Variants in ZNF536 observed in about 807,000 individuals in gnomAD.
ZNF536 encodes zinc finger protein 536.
A neutral mutation model predicts 84.5 loss-of-function variants in ZNF536; 13 were observed. That is an observed-to-expected ratio of 0.15 (90% CI 0.10 to 0.24). The LOEUF (loss-of-function observed/expected upper bound fraction) is 0.24, where lower values mean the gene tolerates loss of function less well. Ranked by LOEUF, ZNF536 falls within the 10% of genes least tolerant of loss-of-function variation. The pLI is 1.00. For missense variants in ZNF536, 1,536 were observed against 1,747.5 expected (o/e 0.88, Z 2.16); for synonymous variants, 811 against 742.5 (o/e 1.09, Z -1.50).
Position 30,501,005 on chromosome 19 carries a change from G to A in ZNF536, c.2171-33842G>A, listed in dbSNP as rs575065980. Among the ~76,000 whole-genome samples the A allele has an allele frequency of 2.6e-5, 4 of 152,314 alleles. No homozygotes were observed. The South Asian group carries it at 8.3e-4, about 32-fold the overall frequency. ...TGGGCATTGTTCAGGATTGGAGCGA[G>A]AAGGTTTGACCTGTCATGTAGAGTT... On this transcript the variant is annotated intron_variant, in intron 2 of 4. Transcript: ENST00000355537.
chr19:30,283,229 A>G (rs1286443268), intron 1 of ZNF536, among the ~76,000 whole-genome samples: 7 of 152,244 alleles, frequency 4.6e-5, no homozygotes, highest in Admixed American at 2.0e-4. Flanking sequence ...TTGCCCCATA[A>G]CATCCCTTCC....
At chr19:30,647,223 G>C (rs546175554) in intron 1 of ZNF536, among the ~76,000 whole-genome samples, 1 of 152,258 alleles carries the variant, frequency 6.6e-6, no homozygotes, top group African/African-American at 2.4e-5. Flanking sequence ...TTTTGTCCCT[G>C]ATTAGTGTTT....
chr19:30,596,891 G>C (rs1380249122), intron 1 of ZNF536, among the ~76,000 whole-genome samples: 2 of 151,844 alleles, frequency 1.3e-5, no homozygotes, highest in African/African-American at 2.4e-5. Context: ...GCGAAAGGAG[G>C]CTCTCTTATT....
chr19:30,282,522 C>G (rs932296575), intron 1 of ZNF536, among the ~76,000 whole-genome samples: 5 of 152,204 alleles, frequency 3.3e-5, no homozygotes, highest in African/African-American at 1.2e-4. Flanking sequence ...TACAGGGCCT[C>G]TAAGTGAATG....
At chr19:30,277,884 C>T (rs978586703) in intron 1 of ZNF536, among the ~76,000 whole-genome samples, 3 of 152,334 alleles carry the variant, frequency 2.0e-5, no homozygotes, top group East Asian at 1.9e-4. Flanking sequence ...ACCATTTCTC[C>T]GTTGGTATGT....
At chr19:30,503,448 A>C (rs944206360) in intron 2 of ZNF536, among the ~76,000 whole-genome samples, 1 of 152,254 alleles carries the variant, frequency 6.6e-6, no homozygotes, top group Non-Finnish European at 1.5e-5. Flanking sequence ...ACCTGTATTT[A>C]CTGACTTGGA....
chr19:30,508,878 A>G (rs1282729103), intron 2 of ZNF536, among the ~76,000 whole-genome samples: 21 of 120,778 alleles, frequency 1.7e-4, no homozygotes, highest in African/African-American at 6.6e-4. Flanking sequence ...CCCAGGCTGG[A>G]GTACAGTGGC....
intron 1 of ZNF536, among the ~76,000 whole-genome samples, chr19:30,374,929 C>G (rs550308091): frequency 6.6e-6 from 1 of 151,832 alleles, no homozygotes; most frequent in African/African-American, 2.4e-5. Context: ...GCAGGCAGCC[C>G]TGGCAGAGGG....
intron 1 of ZNF536, among the ~76,000 whole-genome samples, chr19:30,641,836 T>C (rs1341063269): frequency 6.6e-6 from 1 of 152,224 alleles, no homozygotes; most frequent in Non-Finnish European, 1.5e-5. Context: ...TGTCCCAAGA[T>C]GAGGAGACCT....
intron 1 of ZNF536, among the ~76,000 whole-genome samples, chr19:30,419,838 C>T (rs1194935533): frequency 3.3e-5 from 5 of 152,200 alleles, no homozygotes; most frequent in African/African-American, 9.7e-5. Flanking sequence ...ACGTCCTCTG[C>T]TCCACGGCAT....
chr19:30,365,163 T>G (rs2048386422), intron 3 of ZNF536, among the ~76,000 whole-genome samples: 1 of 152,092 alleles, frequency 6.6e-6, no homozygotes. Flanking sequence ...ATAAATAGAG[T>G]TCATGCATTT....
At chr19:30,421,968 G>A (rs1028987689) in intron 1 of ZNF536, among the ~76,000 whole-genome samples, 1 of 152,132 alleles carries the variant, frequency 6.6e-6, no homozygotes, top group Non-Finnish European at 1.5e-5. Flanking sequence ...TAATGATATA[G>A]TTTCCTTTTA....
At chr19:30,330,875 C>G (rs2047189141) in intron 2 of ZNF536, among the ~76,000 whole-genome samples, 2 of 152,124 alleles carry the variant, frequency 1.3e-5, no homozygotes, top group African/African-American at 2.4e-5. Flanking sequence ...CTCTGATTCT[C>G]AAAACATAAC....
intron 2 of ZNF536, chr19:30,296,119 C>T (rs1199640127): frequency 6.6e-6 from 1 of 152,164 alleles, no homozygotes; most frequent in Non-Finnish European, 1.5e-5. Context: ...TCTGTAGTGA[C>T]CTCATATAAT....
chr19:30,361,290 C>A (rs1001372342), intron 3 of ZNF536, among the ~76,000 whole-genome samples: 1 of 152,250 alleles, frequency 6.6e-6, no homozygotes, highest in African/African-American at 2.4e-5. Context: ...ATCCTTGATG[C>A]TGCTACTGCT....
intron 1 of ZNF536, among the ~76,000 whole-genome samples, chr19:30,620,004 C>T (rs1018524564): frequency 2.0e-5 from 3 of 146,564 alleles, no homozygotes; most frequent in African/African-American, 7.5e-5. Flanking sequence ...CCACCATCTC[C>T]CTTTTCTTTT....
intron 1 of ZNF536, among the ~76,000 whole-genome samples, chr19:30,276,467 A>G (rs1020193342): frequency 8.5e-5 from 13 of 152,228 alleles, no homozygotes; most frequent in Non-Finnish European, 1.8e-4. Flanking sequence ...TCCTATTAAG[A>G]GAACAAAATG....
At chr19:30,335,828 C>T (rs1166156686) in intron 2 of ZNF536, among the ~76,000 whole-genome samples, 1 of 152,198 alleles carries the variant, frequency 6.6e-6, no homozygotes, top group Admixed American at 6.5e-5. Context: ...GCTGCTGCAA[C>T]TCACAGCTCA....
At chr19:30,513,287 G>T (rs930273085) in intron 2 of ZNF536, among the ~76,000 whole-genome samples, 2 of 152,118 alleles carry the variant, frequency 1.3e-5, no homozygotes, top group African/African-American at 4.8e-5. Flanking sequence ...GTGTGCGCAA[G>T]AAAATAAAAT....
Sources: allele counts gnomAD v4.1 joint callset (sites outside exome capture counted in the v4.1 genomes callset), GRCh38; gene constraint gnomAD v4.1.1; transcripts MANE v1.5; gene names NCBI Gene and HGNC (gene_info 2026-07-23, HGNC 2026-07-21).